The following TRIM46 variants were observed in gnomAD, a reference collection of about 807,000 sequenced individuals.
TRIM46 encodes tripartite motif-containing protein 46.
Under a neutral mutation model 69.7 loss-of-function variants are expected in TRIM46, and 17 were observed. The ratio of observed to expected loss-of-function variants is 0.24; its 90% CI spans 0.17 to 0.37. TRIM46 has a LOEUF of 0.37. TRIM46 is among the 10% of genes least tolerant of loss of function. TRIM46 has a pLI of 1.00. For synonymous variants in TRIM46, 391 were observed against 429.0 expected (o/e 0.91, Z 1.09); for missense variants, 675 against 1,025.1 (o/e 0.66, Z 4.66).
rs375825341 is a variant in TRIM46, at chr1:155,174,855, G to A, written c.64-531G>A. 7.7e-5 allele frequency: 109 copies of A among 1,415,386 alleles called. No homozygotes were observed. The East Asian group carries it at 1.2e-3, about 16-fold the overall frequency. 87.7% of individuals were successfully genotyped at this position (1,415,386 alleles called of 1,614,324 possible). Reference sequence around the variant, plus strand: ...ATGGGTTGGTAAGACCGATGGGGAAGTGAAGGATGGGGAATGGAGGCTGGA... The same window carrying A: ...ATGGGTTGGTAAGACCGATGGGGAAATGAAGGATGGGGAATGGAGGCTGGA... On this transcript the variant is annotated intron_variant, in intron 1 of 9. Transcript: ENST00000334634.
At chr1:155,176,656 A>G (rs756298599) in intron 3 of TRIM46, among the ~76,000 whole-genome samples, 17 of 152,386 alleles carry the variant, frequency 1.1e-4, no homozygotes, top group East Asian at 9.6e-4. Context: ...ACTACCAGGC[A>G]AAGATTAATT....
In TRIM46 at chr1:155,179,932, C is replaced by A; in HGVS notation, c.1586C>A (p.Pro529His). The A allele has an allele frequency of 6.4e-7, 1 of 1,570,316 alleles. No homozygotes were observed. The highest frequency in any genetic ancestry group is 8.7e-7 in the Non-Finnish European group (1 of 1,153,002). Residue 529 changes from proline to histidine, a missense_variant and splice_region_variant, in exon 8 of 10, where the codon CCT becomes CAT. Physicochemically the swap from Pro to His is moderately conservative, Grantham distance 77 (BLOSUM62 -2). Coordinates refer to ENST00000334634, the MANE Select transcript of TRIM46 (RefSeq NM_025058.5). Reference protein sequence around the residue: ...EDVHLHTPPAPVLHFFLDSRW... With the variant: ...EDVHLHTPPAHVLHFFLDSRW... ...GTGCACCTGCACACGCCCCCGGCAC[C>A]TGGTGAGTGGGCAGGCACAGGTGGT... is the stretch of plus-strand genomic sequence containing the variant.
At position 155,179,709 on chromosome 1, in the gene TRIM46, C is replaced by G. The variant is rs748469875; in HGVS notation, c.1363C>G (p.His455Asp). Residue 455 changes from histidine (H) to aspartate (D), a missense_variant, in exon 8 of 10, where the codon CAT becomes GAT. Physicochemically the swap from His to Asp is moderately conservative, Grantham distance 81. Coordinates refer to ENST00000334634, the MANE Select transcript of TRIM46 (RefSeq NM_025058.5). Reference sequence around the variant, plus strand: ...CTTCCTGTGCTGGCGGCTGCCCCCCCATTCACCACCTGCCTGGCACTATAC... The same window carrying G: ...CTTCCTGTGCTGGCGGCTGCCCCCCGATTCACCACCTGCCTGGCACTATAC... Reference protein sequence around the residue: ...QIFLCWRLPPHSPPAWHYTVE... With the variant: ...QIFLCWRLPPDSPPAWHYTVE... 9.9e-6 allele frequency: 16 copies of G among 1,613,478 alleles called. No homozygotes were observed. In the African/African-American group the frequency reaches 1.9e-4, roughly 19 times the overall value.
Position 155,176,218 on chromosome 1 carries a change from C to G in TRIM46, c.656C>G (p.Ser219Cys), listed in dbSNP as rs756247097. 8.1e-6 allele frequency: 13 copies of G among 1,602,122 alleles called. No homozygotes were observed. Among genetic ancestry groups the G allele is most frequent in the Non-Finnish European group, 9.4e-6 (11 of 1,176,330 alleles). ...AQHEPTLPTL[S>C]FRPKGLMCPD... Reference sequence around the variant, plus strand: ...CATGAGCCCACCCTGCCTACCCTCTCCTTCCGACCCAAGGTGAGCCAGCCC... The same window carrying G: ...CATGAGCCCACCCTGCCTACCCTCTGCTTCCGACCCAAGGTGAGCCAGCCC... The change falls in exon 3 of 10, where the codon TCC (serine) becomes TGC (cysteine). Residue 219 changes from serine (S) to cysteine (C), a missense_variant. By Grantham distance (112) the Ser-to-Cys change is moderately radical. This residue lies in a region of TRIM46 where 361 missense variants were observed against 498.3 expected (regional missense o/e 0.72). Coordinates refer to ENST00000334634, the MANE Select transcript of TRIM46 (RefSeq NM_025058.5).
At chr1:155,179,306 C>T (rs1387188236) in intron 7 of TRIM46, among the ~76,000 whole-genome samples, 1 of 152,208 alleles carries the variant, frequency 6.6e-6, no homozygotes, top group East Asian at 1.9e-4. Context: ...CCAGAACTTA[C>T]CTGATCTGAT....
rs752368622 is a variant in TRIM46, at chr1:155,179,615, G to C, written c.1286-17G>C. 11 of 1,572,256 alleles carry C rather than the reference G, an allele frequency of 7.0e-6. No individual in the cohort carries two copies. The highest frequency in any genetic ancestry group is 9.5e-6 in the Non-Finnish European group (11 of 1,155,532). On this transcript the variant is annotated splice_polypyrimidine_tract_variant and intron_variant, in intron 7 of 9. Transcript: ENST00000334634. ...AGTGGCCAGGCCCTGACTGACACCC[G>C]CTGTCTCTTCCAACAGTGCCTGAGG...
chr1:155,176,551 T>C (rs1665667503), intron 3 of TRIM46, among the ~76,000 whole-genome samples: 2 of 152,234 alleles, frequency 1.3e-5, no homozygotes, highest in Admixed American at 6.5e-5. Context: ...GTGCATTCAC[T>C]CACTGAACAA....
chr1:155,179,912 C>T lies in TRIM46; in HGVS notation c.1566C>T (p.His522=), dbSNP rs754086351. ...AGYGEYSEDV[H]LHTPPAPVLH... ...ACGGCGAATACAGTGAAGATGTGCA[C>T]CTGCACACGCCCCCGGCACCTGGTG... The change falls in exon 8 of 10, where the codon CAC becomes CAT. Residue 522 remains histidine, a synonymous_variant. Coordinates refer to ENST00000334634, the MANE Select transcript of TRIM46 (RefSeq NM_025058.5). 4 of 1,583,522 alleles carry T rather than the reference C, an allele frequency of 2.5e-6. No homozygotes were observed. Among genetic ancestry groups the T allele is most frequent in the Admixed American group, 1.7e-5 (1 of 58,828 alleles).
intron 5 of TRIM46, 137 bp downstream of exon 5, chr1:155,177,427 G>C: frequency 1.3e-6 from 1 of 751,312 alleles, no homozygotes; most frequent in South Asian, 1.6e-5. Context: ...GTTAAACCAG[G>C]TTTGCAGGAA....
At position 155,181,899 on chromosome 1, in the gene TRIM46, C is replaced by T. The variant is rs1037418982; in HGVS notation, c.1636C>T (p.Leu546=). The part of the protein sequence containing the change: ...DSRWGASRER[L]AISKDQRAVR... The stretch of plus-strand genomic sequence containing the variant: ...CCGCTGGGGCGCAAGCCGAGAGCGG[C>T]TGGCTATCAGCAAGGACCAGCGAGC... Residue 546 remains leucine (L), a synonymous_variant, in exon 9 of 10, where the codon CTG becomes TTG. Transcript: ENST00000334634. This position sits in a 1 kb window ranked among gnomAD's most constrained non-coding sequence, Gnocchi z 4.3. 7 of 1,613,448 alleles carry T rather than the reference C, an allele frequency of 4.3e-6. No homozygotes were observed. Among genetic ancestry groups the T allele is most frequent in the Non-Finnish European group, 5.9e-6 (7 of 1,179,720 alleles).
At chr1:155,179,153 C>T in intron 7 of TRIM46, among the ~76,000 whole-genome samples, 1 of 152,230 alleles carries the variant, frequency 6.6e-6, no homozygotes, top group Non-Finnish European at 1.5e-5. Flanking sequence ...CACTTTCCAC[C>T]TCGCTGCCTC....
chr1:155,174,554 C>G, intron 1 of TRIM46: 1 of 1,471,312 alleles, frequency 6.8e-7, no homozygotes, highest in Non-Finnish European at 9.0e-7. Context: ...CGTGTTCCCC[C>G]CCACCACTTC....
In TRIM46 at chr1:155,181,870, A is replaced by T; in HGVS notation, c.1607A>T (p.Asp536Val). 1 of 1,611,458 alleles carries T rather than the reference A, an allele frequency of 6.2e-7. No individual in the cohort carries two copies. Among genetic ancestry groups the T allele is most frequent in the Non-Finnish European group, 8.5e-7 (1 of 1,178,074 alleles). ...PPAPVLHFFL[D>V]SRWGASRERL... ...CTTCCAGTCCTGCACTTCTTCCTCG[A>T]TAGCCGCTGGGGCGCAAGCCGAGAG... The change falls in exon 9 of 10, where the codon GAT (aspartate) becomes GTT (valine). Residue 536 changes from aspartate (D) to valine (V), a missense_variant. By Grantham distance (152) the Asp-to-Val change is radical. Coordinates refer to ENST00000334634, the MANE Select transcript of TRIM46 (RefSeq NM_025058.5). This position sits in a 1 kb window ranked among gnomAD's most constrained non-coding sequence, Gnocchi z 4.3.
chr1:155,178,934 C>A, intron 7 of TRIM46: 1 of 995,006 alleles, frequency 1.0e-6, no homozygotes, highest in Non-Finnish European at 1.4e-6. Flanking sequence ...GCCAACCACT[C>A]ATTGCTTCCT....
intron 7 of TRIM46, chr1:155,178,920 C>A: frequency 9.0e-7 from 1 of 1,116,884 alleles, no homozygotes; most frequent in Non-Finnish European, 1.2e-6. Context: ...TCCCACGCAT[C>A]TCAGCCAACC....
chr1:155,178,739 T>TGTGGCCCCCC, intron 7 of TRIM46, 126 bp downstream of exon 7: 1 of 1,348,474 alleles, frequency 7.4e-7, no homozygotes, highest in Non-Finnish European at 1.0e-6. Flanking sequence ...CAGCCATTCC[T>TGTGGCCCCCC]CCCACCCAGC....
chr1:155,177,296 G>A lies in TRIM46; in HGVS notation c.909+6G>A, dbSNP rs1049341087. 1.7e-5 allele frequency: 28 copies of A among 1,613,514 alleles called. 1 individual carries two copies. The highest frequency in any genetic ancestry group is 2.3e-5 in the Non-Finnish European group (27 of 1,179,566). On this transcript the variant is annotated splice_donor_region_variant and intron_variant, in intron 5 of 9. Transcript: ENST00000334634. Reference sequence around the variant, plus strand: ...AGGCCGTGAGGCACACCGAGGTGAGGGAGGGCACAGAGGTAGGCCCTGGGC... The same window carrying A: ...AGGCCGTGAGGCACACCGAGGTGAGAGAGGGCACAGAGGTAGGCCCTGGGC...
At position 155,184,914 on chromosome 1, in the gene TRIM46, T is replaced by C. The variant is rs1666430988; in HGVS notation, c.*724T>C. 1 of 152,682 alleles carries C rather than the reference T, an allele frequency of 6.5e-6. No individual in the cohort carries two copies. Among genetic ancestry groups the C allele is most frequent in the African/African-American group, 2.4e-5 (1 of 41,454 alleles). The allele number at this position is 152,682 out of a possible 1,614,324, so 9.5% of individuals were successfully genotyped here. ...GGCCTGTGCTGAGCAACAGCTGTTA[T>C]TGTCATGGTTTATAAACAATAAACT... On this transcript the variant is annotated 3_prime_UTR_variant, in exon 10 of 10. Transcript: ENST00000334634. This position sits in a 1 kb window ranked among gnomAD's most constrained non-coding sequence, Gnocchi z 5.6.
rs769597054 is a variant in TRIM46 at position 155,179,881 on chromosome 1, C to G, written c.1535C>G (p.Ala512Gly). The G allele has an allele frequency of 3.1e-6, 5 of 1,608,810 alleles. No homozygotes were observed. The highest frequency in any genetic ancestry group is 4.3e-6 in the Non-Finnish European group (5 of 1,176,258). ...CTGCGTGTCCGCGGCTGCAACAAGG[C>G]CGGCTACGGCGAATACAGTGAAGAT... Reference protein sequence around the residue: ...YVLRVRGCNKAGYGEYSEDVH... With the variant: ...YVLRVRGCNKGGYGEYSEDVH... Residue 512 changes from alanine (A) to glycine (G), a missense_variant, in exon 8 of 10, where the codon GCC becomes GGC. By Grantham distance (60) the Ala-to-Gly change is moderately conservative. This residue lies in a region of TRIM46 where 361 missense variants were observed against 498.3 expected (regional missense o/e 0.72). Coordinates refer to ENST00000334634, the MANE Select transcript of TRIM46 (RefSeq NM_025058.5).
Sources: gnomAD v4.1 joint callset for allele counts (sites outside exome capture counted in the v4.1 genomes callset) on GRCh38, gnomAD v4.1.1 for gene constraint, gnomAD v4.1.1 regional missense constraint, Gnocchi (gnomAD v3.1) non-coding constraint, MANE v1.5 for transcripts, NCBI Gene and HGNC (gene_info 2026-07-23, HGNC 2026-07-21) for gene names.